The following PBX1 variants were observed in gnomAD, a reference collection of about 807,000 sequenced individuals.
PBX1 encodes pre-B-cell leukemia transcription factor 1.
PBX1 carries 6 observed loss-of-function variants against 53.4 expected under a neutral mutation model. That is an observed-to-expected ratio of 0.11 (90% CI 0.06 to 0.22). The LOEUF (loss-of-function observed/expected upper bound fraction) is 0.22, where lower values mean the gene tolerates loss of function less well. Among genes scored for constraint, PBX1 ranks in the 10% least tolerant of loss-of-function variants. PBX1 has a pLI of 1.00. For synonymous variants in PBX1, 204 were observed against 212.3 expected (o/e 0.96, Z 0.34); for missense variants, 251 against 551.4 (o/e 0.46, Z 5.46).
At chr1:164,741,202 C>T (rs1665583773) in intron 2 of PBX1, among the ~76,000 whole-genome samples, 1 of 152,150 alleles carries the variant, frequency 6.6e-6, no homozygotes, top group African/African-American at 2.4e-5. Context: ...GGATATAACC[C>T]ATAGTCCTTG....
intron 2 of PBX1, among the ~76,000 whole-genome samples, chr1:164,645,228 T>C (rs1164044599): frequency 6.6e-6 from 1 of 152,132 alleles, no homozygotes; most frequent in African/African-American, 2.4e-5. Flanking sequence ...TAATAACCAG[T>C]ACAGGATTCC....
chr1:164,586,295 G>A (rs1233901164), intron 2 of PBX1, among the ~76,000 whole-genome samples: 2 of 152,172 alleles, frequency 1.3e-5, no homozygotes, highest in African/African-American at 2.4e-5. Context: ...AGCTGCTCAT[G>A]GTAAACGTGC....
chr1:164,660,499 C>T (rs1186382333), intron 2 of PBX1, among the ~76,000 whole-genome samples: 1 of 152,172 alleles, frequency 6.6e-6, no homozygotes, highest in Non-Finnish European at 1.5e-5. Context: ...GGACCTGTGC[C>T]ATTGCATAAA....
At chr1:164,824,156 G>A (rs775073578) in intron 8 of PBX1, among the ~76,000 whole-genome samples, 6 of 152,250 alleles carry the variant, frequency 3.9e-5, no homozygotes, top group South Asian at 2.1e-4. Flanking sequence ...TCTGGGCAGC[G>A]TTTATCTGCT....
chr1:164,624,826 C>T (rs1180986843), intron 2 of PBX1, among the ~76,000 whole-genome samples: 1 of 152,126 alleles, frequency 6.6e-6, no homozygotes, highest in Non-Finnish European at 1.5e-5. Context: ...AAGAGAGAGA[C>T]TATACATTCA....
chr1:164,620,756 C>G (rs1328694203), intron 2 of PBX1, among the ~76,000 whole-genome samples: 1 of 151,996 alleles, frequency 6.6e-6, no homozygotes, highest in Non-Finnish European at 1.5e-5. Flanking sequence ...GATCTCGCCT[C>G]ACTGCAACCT....
intron 2 of PBX1, among the ~76,000 whole-genome samples, chr1:164,629,275 C>T (rs986798535): frequency 6.6e-6 from 1 of 151,924 alleles, no homozygotes; most frequent in African/African-American, 2.4e-5. Flanking sequence ...AAATATGGAG[C>T]TTTGTGAGTG....
At chr1:164,722,326 T>C (rs1664457169) in intron 2 of PBX1, among the ~76,000 whole-genome samples, 1 of 152,242 alleles carries the variant, frequency 6.6e-6, no homozygotes, top group Non-Finnish European at 1.5e-5. Flanking sequence ...AGGTCTACTG[T>C]ACCTGCTGAT....
At chr1:164,719,521 C>G (rs148001877) in intron 2 of PBX1, among the ~76,000 whole-genome samples, 245 of 152,116 alleles carry the variant, frequency 1.6e-3, no homozygotes, top group African/African-American at 5.2e-3. Context: ...TTATAATTAC[C>G]TGGGGGCCTT....
chr1:164,846,471 C>T, intron 8 of PBX1, 113 bp from the exon 9 acceptor site: 1 of 859,992 alleles, frequency 1.2e-6, no homozygotes, highest in Non-Finnish European at 2.0e-6. Context: ...TGAGTGTCTC[C>T]ATGTGCCAGG....
chr1:164,575,618 A>G (rs1349972293), intron 2 of PBX1, among the ~76,000 whole-genome samples: 1 of 150,100 alleles, frequency 6.7e-6, no homozygotes, highest in Non-Finnish European at 1.5e-5. Flanking sequence ...TCCCTAACAA[A>G]GAAAGACTCC....
intron 2 of PBX1, among the ~76,000 whole-genome samples, chr1:164,879,314 C>T (rs1349257558): frequency 2.0e-5 from 3 of 152,110 alleles, no homozygotes; most frequent in Non-Finnish European, 2.9e-5. Flanking sequence ...ATAAATAAAA[C>T]AATTTCAGTG....
chr1:164,842,983 G>A lies in PBX1; in HGVS notation c.1201-3601G>A, dbSNP rs149707007. On this transcript the variant is annotated intron_variant, in intron 8 of 8. Transcript: ENST00000420696. ...CCCAGAGATAAATAAACACACAAAG[G>A]CGGAGTTTCCTACTTAATATTCACC... 3.4e-3 allele frequency among the ~76,000 whole-genome samples: 500 copies of A among 148,594 alleles called. 5 individuals carry two copies. Among genetic ancestry groups the A allele is most frequent in the Middle Eastern group, 0.021 (6 of 292 alleles).
At chr1:164,695,964 AGGTG>A in intron 2 of PBX1, among the ~76,000 whole-genome samples, 1 of 152,312 alleles carries the variant, frequency 6.6e-6, no homozygotes, top group East Asian at 1.9e-4. Flanking sequence ...CCAAGTTGGA[AGGTG>A]TGCATTGATT....
At chr1:164,602,623 T>A (rs1041328786) in intron 2 of PBX1, among the ~76,000 whole-genome samples, 2 of 151,056 alleles carry the variant, frequency 1.3e-5, no homozygotes, top group African/African-American at 4.9e-5. Flanking sequence ...CCCAATTCTG[T>A]CAACCTCCCC....
At chr1:164,656,565 G>A (rs1486996785) in intron 2 of PBX1, among the ~76,000 whole-genome samples, 1 of 152,066 alleles carries the variant, frequency 6.6e-6, no homozygotes, top group Admixed American at 6.6e-5. Flanking sequence ...GACAAATTAT[G>A]AGGGGAAACC....
rs149381745 is a variant in PBX1 at position 164,783,932 on chromosome 1, C to A, written c.266-8562C>A. 1.7e-4 allele frequency among the ~76,000 whole-genome samples: 26 copies of A among 152,336 alleles called. No individual in the cohort carries two copies. In the East Asian group the frequency reaches 4.8e-3, roughly 28 times the overall value. Reference sequence around the variant, plus strand: ...AAGGCTAAAGAGTATTGAGAAACTTCTGTTTTCTCTATGGTTGCTTCCTTT... The same window carrying A: ...AAGGCTAAAGAGTATTGAGAAACTTATGTTTTCTCTATGGTTGCTTCCTTT... On this transcript the variant is annotated intron_variant, in intron 2 of 8. Coordinates refer to ENST00000420696, the MANE Select transcript of PBX1 (RefSeq NM_002585.4).
intron 4 of PBX1, among the ~76,000 whole-genome samples, chr1:164,800,748 G>A (rs1669028725): frequency 1.3e-5 from 2 of 152,124 alleles, no homozygotes; most frequent in Non-Finnish European, 2.9e-5. Flanking sequence ...TATGCTTTGT[G>A]ATCTAGAGTT....
intron 2 of PBX1, among the ~76,000 whole-genome samples, chr1:164,616,119 C>T (rs1221615195): frequency 1.3e-5 from 2 of 152,160 alleles, no homozygotes; most frequent in Admixed American, 1.3e-4. Context: ...CTCTCTCTCT[C>T]CACCTCTGGA....
Sources: allele counts gnomAD v4.1 joint callset (sites outside exome capture counted in the v4.1 genomes callset), GRCh38; gene constraint gnomAD v4.1.1; transcripts MANE v1.5; gene names NCBI Gene and HGNC (gene_info 2026-07-23, HGNC 2026-07-21).